The following PICK1 variants were observed in gnomAD, a reference collection of about 807,000 sequenced individuals.
PICK1 encodes PRKCA-binding protein.
In PICK1, 23 loss-of-function variants were observed where a neutral mutation model predicts 48.9. The ratio of observed to expected loss-of-function variants is 0.47; its 90% CI spans 0.34 to 0.67. The LOEUF (loss-of-function observed/expected upper bound fraction) is 0.67. PICK1 is among the 30% of genes least tolerant of loss of function. The pLI is 0.01. For synonymous variants in PICK1, 217 were observed against 228.2 expected, an observed-to-expected ratio of 0.95 and a Z score of 0.44; for missense variants, 423 against 557.1, an observed-to-expected ratio of 0.76 and a Z score of 2.42.
intron 6 of PICK1, among the ~76,000 whole-genome samples, chr22:38,070,477 C>G (rs1300994066): frequency 6.6e-6 from 1 of 152,194 alleles, no homozygotes; most frequent in Non-Finnish European, 1.5e-5. Flanking sequence ...CCCTTCTGAG[C>G]CATCTGTGTG....
chr22:38,073,650 C>T lies in PICK1; in HGVS notation c.784-123C>T. 1.1e-6 allele frequency: 1 copy of T among 908,552 alleles called. No individual in the cohort carries two copies. The highest frequency in any genetic ancestry group is 2.4e-5 in the East Asian group (1 of 41,600). The allele number at this position is 908,552 out of a possible 1,614,324, so 56.3% of individuals were successfully genotyped here. On this transcript the variant is annotated intron_variant, in intron 10 of 12. Transcript: ENST00000356976. This position sits in a 1 kb window ranked among gnomAD's most constrained non-coding sequence, Gnocchi z 5.7. ...GTCATCCCTCAGCACCTGCCGCTGC[C>T]CGCTCTGGGACTCCCTGAACACCTG...
intron 2 of PICK1, among the ~76,000 whole-genome samples, chr22:38,058,636 G>A (rs2085327590): frequency 6.6e-6 from 1 of 152,166 alleles, no homozygotes; most frequent in Admixed American, 6.5e-5. Flanking sequence ...TGCATGGTTA[G>A]AAGAACTCTG....
intron 9 of PICK1, 56 bp downstream of exon 9, chr22:38,072,666 G>A: frequency 1.2e-6 from 2 of 1,603,480 alleles, no homozygotes; most frequent in Non-Finnish European, 1.7e-6. Context: ...AGGGGAGAGT[G>A]TGGCATGCAG....
intron 6 of PICK1, 83 bp downstream of exon 6, chr22:38,069,205 AGCT>A: frequency 1.0e-6 from 1 of 1,004,230 alleles, no homozygotes; most frequent in South Asian, 1.4e-5. Flanking sequence ...CTGCCCACCA[AGCT>A]GCTGTGGGTC....
Position 38,067,172 on chromosome 22 carries a change from C to T in PICK1, c.283-532C>T, listed in dbSNP as rs577735663. Among the ~76,000 whole-genome samples, 25 of 152,222 alleles carry T rather than the reference C, an allele frequency of 1.6e-4. 1 individual carries two copies. In the East Asian group the frequency reaches 2.3e-3, roughly 14 times the overall value. ...ATCAGAGACCGCCAGGCTGTGGGCC[C>T]GGTGCCGGCCCTGTCCCCACTGATT... On this transcript the variant is annotated intron_variant, in intron 4 of 12. Transcript: ENST00000356976.
intron 4 of PICK1, 160 bp downstream of exon 4, chr22:38,065,290 C>T (rs1601944818): frequency 1.4e-6 from 1 of 717,042 alleles, no homozygotes; most frequent in Non-Finnish European, 2.5e-6. Context: ...CCTCCCTCAT[C>T]CATCCCTCAT....
chr22:38,071,952 C>T (rs2085707979), intron 8 of PICK1: 5 of 623,214 alleles, frequency 8.0e-6, no homozygotes, highest in Non-Finnish European at 1.5e-5. Flanking sequence ...ACAGGCCCCA[C>T]CCTGTCTCCT....
chr22:38,074,476 C>A lies in PICK1; in HGVS notation c.979+25C>A. ...GGTGAGCGCCGCCCTCCTCCCCGTC[C>A]GCTCTCCATTTCAGAGGTGGGAAAA... On this transcript the variant is annotated intron_variant, in intron 12 of 12. Transcript: ENST00000356976. This position sits in a 1 kb window ranked among gnomAD's most constrained non-coding sequence, Gnocchi z 4.5. 6.2e-7 allele frequency: 1 copy of A among 1,612,454 alleles called. No homozygotes were observed. Among genetic ancestry groups the A allele is most frequent in the Non-Finnish European group, 8.5e-7 (1 of 1,179,692 alleles).
rs187822201 is a variant in PICK1, at chr22:38,067,475, A to G, written c.283-229A>G. The G allele has an allele frequency of 9.2e-4, 444 of 482,126 alleles. 2 individuals are homozygous for G. Among genetic ancestry groups the G allele is most frequent in the African/African-American group, 8.2e-3 (419 of 51,248 alleles). 29.9% of individuals were successfully genotyped at this position (482,126 alleles called of 1,614,324 possible). ...AGGCACGCGCCACTACGCCCAGCTAATTTTTGTATTTTTAATAGAGATGGG... is the reference window on the plus strand; with the variant it reads ...AGGCACGCGCCACTACGCCCAGCTAGTTTTTGTATTTTTAATAGAGATGGG... On this transcript the variant is annotated intron_variant, in intron 4 of 12. Transcript: ENST00000356976.
At chr22:38,063,274 A>G (rs933103987) in intron 3 of PICK1, among the ~76,000 whole-genome samples, 15 of 151,676 alleles carry the variant, frequency 9.9e-5, no homozygotes, top group African/African-American at 3.6e-4. Flanking sequence ...CTCCCACCTC[A>G]GACCCCCGAG....
In PICK1 at chr22:38,073,100, G is replaced by C. The variant is rs1399490067; in HGVS notation, c.783+8G>C. The C allele has an allele frequency of 1.9e-6, 3 of 1,571,270 alleles. No individual in the cohort carries two copies. The highest frequency in any genetic ancestry group is 2.7e-5 in the African/African-American group (2 of 74,060). On this transcript the variant is annotated splice_region_variant and intron_variant, in intron 10 of 12. Coordinates refer to ENST00000356976, the MANE Select transcript of PICK1 (RefSeq NM_012407.4). This position sits in a 1 kb window ranked among gnomAD's most constrained non-coding sequence, Gnocchi z 5.7. The stretch of plus-strand genomic sequence containing the variant: ...GTGAAGTTTGAGTACCTGGTGAGTA[G>C]TCCAGGTGCCCAGGCTGCTAGGGCA...
Position 38,074,190 on chromosome 22 carries a change from GA to G in PICK1, c.835-114del. The G allele has an allele frequency of 7.8e-7, 1 of 1,282,528 alleles. No individual in the cohort carries two copies. The highest frequency in any genetic ancestry group is 1.1e-6 in the Non-Finnish European group (1 of 901,520). The allele number at this position is 1,282,528 out of a possible 1,614,324, so 79.4% of individuals were successfully genotyped here. A position where few individuals can be genotyped will look rare whatever the true frequency, so the allele number is the denominator to read the frequency against. On this transcript the variant is annotated intron_variant, in intron 11 of 12. Coordinates refer to ENST00000356976, the MANE Select transcript of PICK1 (RefSeq NM_012407.4). The surrounding 1 kb of genome is among the most constrained non-coding windows in gnomAD (Gnocchi z 4.5). ...CAAAGCTATCACTGAGTGCTTCTGA[GA>G]AACACTGAAGTCTCAGAAATGAGGT...
rs749167163 is a variant in PICK1 at position 38,070,884 on chromosome 22, A to T, written c.486A>T (p.Leu162=). 4 of 1,613,682 alleles carry T rather than the reference A, an allele frequency of 2.5e-6. No homozygotes were observed. The South Asian group carries it at 4.4e-5, about 18-fold the overall frequency. The change falls in exon 7 of 13, where the codon CTA becomes CTT. Residue 162 remains leucine, a synonymous_variant. Coordinates refer to ENST00000356976, the MANE Select transcript of PICK1 (RefSeq NM_012407.4). ...RLEELERTAE[L]YKGMTEHTKN... is the part of the protein sequence containing the mutation. ...AGGAGCTGGAGCGGACCGCTGAGCT[A>T]TACAAAGGTGGGTGGGGGGTGGCCT...
Position 38,073,324 on chromosome 22 carries a change from T to A in PICK1, c.783+232T>A, listed in dbSNP as rs2085748965. Reference sequence around the variant, plus strand: ...CTCTCGCTGTGTGCACTCTGACCCCTTGGGATTTGTTGCCTTTAAACAATG... The same window carrying A: ...CTCTCGCTGTGTGCACTCTGACCCCATGGGATTTGTTGCCTTTAAACAATG... On this transcript the variant is annotated intron_variant, in intron 10 of 12. Transcript: ENST00000356976. The surrounding 1 kb of genome is among the most constrained non-coding windows in gnomAD (Gnocchi z 5.7). 6.6e-6 allele frequency among the ~76,000 whole-genome samples: 1 copy of A among 152,218 alleles called. No homozygotes were observed. Among genetic ancestry groups the A allele is most frequent in the African/African-American group, 2.4e-5 (1 of 41,450 alleles).
Position 38,074,553 on chromosome 22 carries a change from C to T in PICK1, c.979+102C>T. 1 of 1,482,266 alleles carries T rather than the reference C, an allele frequency of 6.7e-7. No individual in the cohort carries two copies. The highest frequency in any genetic ancestry group is 9.2e-7 in the Non-Finnish European group (1 of 1,081,902). 91.8% of individuals were successfully genotyped at this position (1,482,266 alleles called of 1,614,324 possible). On this transcript the variant is annotated intron_variant, in intron 12 of 12. Coordinates refer to ENST00000356976, the MANE Select transcript of PICK1 (RefSeq NM_012407.4). The surrounding 1 kb of genome is among the most constrained non-coding windows in gnomAD (Gnocchi z 4.5). ...GCCAGGCCACGGCCCAGATGTAAAG[C>T]CCCTCCAGGAGCCCAGCCATCTGCC...
Position 38,074,989 on chromosome 22 carries a change from T to C in PICK1, c.1105T>C (p.Leu369=), listed in dbSNP as rs371575593. The C allele has an allele frequency of 1.5e-5, 25 of 1,613,508 alleles. No individual in the cohort carries two copies. The highest frequency in any genetic ancestry group is 1.9e-5 in the Non-Finnish European group (22 of 1,180,014). Residue 369 remains leucine (L), a synonymous_variant, in exon 13 of 13, where the codon TTG becomes CTG. Coordinates refer to ENST00000356976, the MANE Select transcript of PICK1 (RefSeq NM_012407.4). This position sits in a 1 kb window ranked among gnomAD's most constrained non-coding sequence, Gnocchi z 4.5. ...PIEVDLAHTT[L]AYGLNQEEFT... ...CGAGGTAGACCTGGCGCACACCACATTGGCCTATGGCCTCAACCAGGAGGA... is the reference window on the plus strand; with the variant it reads ...CGAGGTAGACCTGGCGCACACCACACTGGCCTATGGCCTCAACCAGGAGGA...
chr22:38,061,255 C>T (rs2085393914), intron 3 of PICK1, among the ~76,000 whole-genome samples: 1 of 152,004 alleles, frequency 6.6e-6, no homozygotes, highest in South Asian at 2.1e-4. Context: ...ACAGGAGAAT[C>T]GCTTGAACCC....
chr22:38,073,036 A>G lies in PICK1; in HGVS notation c.727A>G (p.Ile243Val). 1 of 1,613,956 alleles carries G rather than the reference A, an allele frequency of 6.2e-7. No individual in the cohort carries two copies. The highest frequency in any genetic ancestry group is 1.1e-5 in the South Asian group (1 of 91,086). ...TDLNTYLNKA[I>V]PDTRLTIKKY... ...TCTGAACACGTACCTCAACAAAGCC[A>G]TCCCGGACACTCGCCTCACCATCAA... Residue 243 changes from isoleucine (I) to valine (V), a missense_variant, in exon 10 of 13, where the codon ATC (isoleucine) becomes GTC (valine). Ile to Val is a conservative substitution (Grantham distance 29). Around this residue, in one of 2 missense-constraint regions of PICK1, gnomAD observed 279 missense variants for 417.8 expected, o/e 0.67. Transcript: ENST00000356976. This position sits in a 1 kb window ranked among gnomAD's most constrained non-coding sequence, Gnocchi z 5.7.
chr22:38,071,763 G>A lies in PICK1; in HGVS notation c.556+19G>A. On this transcript the variant is annotated intron_variant, in intron 8 of 12. Transcript: ENST00000356976. ...CACCGGGGTAATGGCATCCCCCAAA[G>A]CTGTGGTGTGACCGTGGGCAATCCC... is the stretch of plus-strand genomic sequence containing the variant. The A allele has an allele frequency of 6.2e-7, 1 of 1,609,790 alleles. No individual in the cohort carries two copies. The highest frequency in any genetic ancestry group is 8.5e-7 in the Non-Finnish European group (1 of 1,176,624).
Sources: gnomAD v4.1 joint callset for allele counts (sites outside exome capture counted in the v4.1 genomes callset) on GRCh38, gnomAD v4.1.1 for gene constraint, gnomAD v4.1.1 regional missense constraint, Gnocchi (gnomAD v3.1) non-coding constraint, MANE v1.5 for transcripts, NCBI Gene and HGNC (gene_info 2026-07-23, HGNC 2026-07-21) for gene names.